CHCHD3: variants seen among roughly 807,000 people sequenced by gnomAD.
CHCHD3 encodes the protein MICOS complex subunit MIC19.
Under a neutral mutation model 38.2 loss-of-function variants are expected in CHCHD3, and 20 were observed. The ratio of observed to expected loss-of-function variants is 0.52; its 90% CI spans 0.37 to 0.76. The LOEUF (loss-of-function observed/expected upper bound fraction) is 0.76, where lower values mean the gene tolerates loss of function less well. CHCHD3 is among the 30% of genes least tolerant of loss of function. The pLI is 0.00. For missense variants in CHCHD3, 245 were observed against 279.2 expected (o/e 0.88, Z 0.87); for synonymous variants, 82 against 100.0 (o/e 0.82, Z 1.07).
At chr7:132,973,793 C>G (rs1427161386) in intron 4 of CHCHD3, 1 of 1,088,464 alleles carries the variant, frequency 9.2e-7, no homozygotes, top group African/African-American at 1.7e-5. Context: ...GAGCCTTCTT[C>G]TTAGAAAGTT....
intron 4 of CHCHD3, among the ~76,000 whole-genome samples, chr7:132,905,946 G>A (rs553533502): frequency 2.8e-4 from 42 of 152,282 alleles, no homozygotes; most frequent in Non-Finnish European, 4.3e-4. Flanking sequence ...ACCAAGACAC[G>A]TAACTCAATT....
At chr7:132,942,224 T>C (rs1314568691) in intron 4 of CHCHD3, among the ~76,000 whole-genome samples, 1 of 152,156 alleles carries the variant, frequency 6.6e-6, no homozygotes, top group East Asian at 1.9e-4. Context: ...GAAAGGGGAA[T>C]ACTGTTACAG....
chr7:133,031,248 G>A (rs1255397126), intron 2 of CHCHD3, among the ~76,000 whole-genome samples: 2 of 152,206 alleles, frequency 1.3e-5, no homozygotes, highest in South Asian at 2.1e-4. Flanking sequence ...TGTGTTTACC[G>A]AAACTGGTTA....
intron 3 of CHCHD3, among the ~76,000 whole-genome samples, chr7:132,996,194 T>C (rs1293625812): frequency 6.6e-6 from 1 of 152,182 alleles, no homozygotes; most frequent in Admixed American, 6.5e-5. Flanking sequence ...GATGTACATG[T>C]CTCATCTTTC....
chr7:132,809,462 A>T (rs1397100008), intron 6 of CHCHD3, among the ~76,000 whole-genome samples: 2 of 152,174 alleles, frequency 1.3e-5, no homozygotes, highest in African/African-American at 4.8e-5. Context: ...TAGTGAATGA[A>T]TAGCCTGCAA....
At chr7:133,074,253 A>G (rs1197624743) in intron 1 of CHCHD3, among the ~76,000 whole-genome samples, 1 of 152,222 alleles carries the variant, frequency 6.6e-6, no homozygotes, top group African/African-American at 2.4e-5. Context: ...AATAGTCTAT[A>G]CCTCAACTGT....
At chr7:133,010,220 T>C (rs969256838) in intron 3 of CHCHD3, among the ~76,000 whole-genome samples, 1 of 152,114 alleles carries the variant, frequency 6.6e-6, no homozygotes, top group African/African-American at 2.4e-5. Flanking sequence ...AGCTACCACA[T>C]CCAATTGCTC....
At chr7:132,933,062 G>A (rs1361899747) in intron 4 of CHCHD3, among the ~76,000 whole-genome samples, 4 of 152,286 alleles carry the variant, frequency 2.6e-5, no homozygotes, top group Middle Eastern at 3.4e-3. Context: ...ATGGAAAACC[G>A]AGGTCTTGAC....
chr7:132,811,693 C>G (rs918685588), intron 6 of CHCHD3, among the ~76,000 whole-genome samples: 1 of 152,184 alleles, frequency 6.6e-6, no homozygotes, highest in Admixed American at 6.5e-5. Context: ...CAGACTTGTT[C>G]CAGTAAATTG....
At chr7:133,060,388 T>C (rs2117518629) in intron 2 of CHCHD3, among the ~76,000 whole-genome samples, 1 of 152,200 alleles carries the variant, frequency 6.6e-6, no homozygotes, top group East Asian at 1.9e-4. Flanking sequence ...CAGAACCACG[T>C]GACGTGTGCT....
intron 2 of CHCHD3, among the ~76,000 whole-genome samples, chr7:133,052,421 A>G (rs947347634): frequency 6.6e-6 from 1 of 152,240 alleles, no homozygotes; most frequent in Non-Finnish European, 1.5e-5. Flanking sequence ...AATAGTGAAT[A>G]AACAAAAGCC....
At chr7:132,863,835 T>C (rs142390693) in intron 5 of CHCHD3, among the ~76,000 whole-genome samples, 1 of 152,342 alleles carries the variant, frequency 6.6e-6, no homozygotes. Context: ...CAACCTGTGA[T>C]AGCTTCCAAT....
chr7:132,798,340 T>C (rs1204893296), intron 6 of CHCHD3, among the ~76,000 whole-genome samples: 1 of 152,184 alleles, frequency 6.6e-6, no homozygotes, highest in Non-Finnish European at 1.5e-5. Context: ...TGCTTTAAGA[T>C]TTCAAACTTC....
At chr7:132,793,024 A>C (rs1260951123) in intron 7 of CHCHD3, among the ~76,000 whole-genome samples, 1 of 151,982 alleles carries the variant, frequency 6.6e-6, no homozygotes, top group East Asian at 1.9e-4. Flanking sequence ...CCCTTTCGAC[A>C]CCCTTCCCCT....
intron 6 of CHCHD3, among the ~76,000 whole-genome samples, chr7:132,801,149 A>G (rs564226017): frequency 6.6e-5 from 10 of 152,318 alleles, no homozygotes; most frequent in African/African-American, 2.2e-4. Flanking sequence ...TGTTTTTCTC[A>G]TCACTTATAA....
At chr7:132,881,893 T>C (rs1038720576) in intron 5 of CHCHD3, among the ~76,000 whole-genome samples, 8 of 152,126 alleles carry the variant, frequency 5.3e-5, no homozygotes, top group Admixed American at 5.2e-4. Flanking sequence ...AAATACTTCA[T>C]CATTAGAGAC....
At chr7:132,838,258 G>T in intron 6 of CHCHD3, 141 bp downstream of exon 6, 1 of 523,146 alleles carries the variant, frequency 1.9e-6, no homozygotes. Context: ...AGATAACATG[G>T]CCCCCATCTC....
chr7:133,071,455 C>T (rs1050204669), intron 1 of CHCHD3, among the ~76,000 whole-genome samples: 1 of 152,114 alleles, frequency 6.6e-6, no homozygotes, highest in African/African-American at 2.4e-5. Context: ...GAACTTGACC[C>T]TGAGGGTACC....
At chr7:132,818,467 G>T (rs1025638651) in intron 6 of CHCHD3, among the ~76,000 whole-genome samples, 5 of 152,108 alleles carry the variant, frequency 3.3e-5, no homozygotes, top group African/African-American at 1.2e-4. Flanking sequence ...TCAGTGCTTT[G>T]CTCAGAAAAT....
Sources: allele counts gnomAD v4.1 joint callset (sites outside exome capture counted in the v4.1 genomes callset), GRCh38; gene constraint gnomAD v4.1.1; transcripts MANE v1.5; gene names NCBI Gene and HGNC (gene_info 2026-07-23, HGNC 2026-07-21).